AP1B1: variants seen among roughly 807,000 people sequenced by gnomAD.
AP1B1 encodes the protein AP-1 complex subunit beta-1.
AP1B1 carries 36 observed loss-of-function variants against 104.3 expected under a neutral mutation model. That is an observed-to-expected ratio of 0.35 (90% CI 0.26 to 0.46). The LOEUF is 0.46. Among genes scored for constraint, AP1B1 ranks in the 20% least tolerant of loss-of-function variants. The pLI is 1.00. For synonymous variants in AP1B1, 504 were observed against 517.5 expected, an observed-to-expected ratio of 0.97 and a Z score of 0.35; for missense variants, 901 against 1,247.9, an observed-to-expected ratio of 0.72 and a Z score of 4.19.
intron 1 of AP1B1, among the ~76,000 whole-genome samples, chr22:29,376,998 C>T (rs2062353656): frequency 2.0e-5 from 3 of 151,964 alleles, no homozygotes; most frequent in African/African-American, 4.8e-5. Context: ...GAGATTGGGA[C>T]CAGCCTGGCC....
intron 14 of AP1B1, 121 bp downstream of exon 14, chr22:29,340,535 T>C: frequency 1.9e-5 from 20 of 1,060,842 alleles, no homozygotes; most frequent in Non-Finnish European, 2.6e-5. Flanking sequence ...CAAGGGTAAA[T>C]GGTAAGGACT....
At position 29,341,569 on chromosome 22, in the gene AP1B1, C is replaced by T. The variant is rs2061715450; in HGVS notation, c.1728G>A (p.Lys576=). The change falls in exon 13 of 23, where the codon AAG becomes AAA. Residue 576 remains lysine, a synonymous_variant. Coordinates refer to ENST00000357586, the MANE Select transcript of AP1B1 (RefSeq NM_001127.4). The part of the protein sequence containing the change: ...YIGTLASVYH[K]PPSAFVEGGR... ...CCCCCTCCACAAAGGCACTGGGAGG[C>T]TTATGGTAGACGGAAGCCAGCGTGC... 4 of 1,614,090 alleles carry T rather than the reference C, an allele frequency of 2.5e-6. No individual in the cohort carries two copies. In the African/African-American group the frequency reaches 5.3e-5, roughly 22 times the overall value.
intron 12 of AP1B1, 75 bp downstream of exon 12, chr22:29,342,210 C>A: frequency 7.9e-7 from 1 of 1,268,532 alleles, no homozygotes; most frequent in South Asian, 1.3e-5. Context: ...GCTTCCAGGT[C>A]TAGTTCCTGG....
intron 21 of AP1B1, 180 bp downstream of exon 21, chr22:29,330,198 G>A (rs2147927756): frequency 6.9e-7 from 1 of 1,458,564 alleles, no homozygotes; most frequent in East Asian, 2.5e-5. Flanking sequence ...TGTCTTATCT[G>A]GGTAACCTGA....
chr22:29,364,302 T>C (rs568646234), intron 2 of AP1B1, among the ~76,000 whole-genome samples: 39 of 152,374 alleles, frequency 2.6e-4, no homozygotes, highest in African/African-American at 8.7e-4. Flanking sequence ...TCTGAAGAAC[T>C]TCATGACATG....
intron 2 of AP1B1, among the ~76,000 whole-genome samples, chr22:29,364,964 C>G (rs555433889): frequency 1.1e-3 from 173 of 152,296 alleles, no homozygotes; most frequent in African/African-American, 3.8e-3. Context: ...CCGCCTCAGC[C>G]TCCCAAAGTG....
Position 29,342,400 on chromosome 22 carries a change from T to C in AP1B1, c.1438-17A>G. The C allele has an allele frequency of 1.9e-6, 3 of 1,606,590 alleles. No individual in the cohort carries two copies. The highest frequency in any genetic ancestry group is 2.6e-6 in the Non-Finnish European group (3 of 1,173,720). On this transcript the variant is annotated splice_polypyrimidine_tract_variant and intron_variant, in intron 11 of 22. Transcript: ENST00000357586. ...CAGCTGGACCTGCAGGGAACAGCGGTGACGAGGAGGAAGTGTGGGCCTCAC... is the reference window on the plus strand; with the variant it reads ...CAGCTGGACCTGCAGGGAACAGCGGCGACGAGGAGGAAGTGTGGGCCTCAC...
chr22:29,385,270 T>C (rs897887377), intron 1 of AP1B1, among the ~76,000 whole-genome samples: 9 of 152,068 alleles, frequency 5.9e-5, no homozygotes, highest in African/African-American at 2.2e-4. Context: ...TCTGTAGTAC[T>C]AGCTACTTGG....
At chr22:29,376,657 G>C (rs1284198375) in intron 1 of AP1B1, among the ~76,000 whole-genome samples, 1 of 65,276 alleles carries the variant, frequency 1.5e-5, no homozygotes, top group East Asian at 1.8e-3. Flanking sequence ...AGGGAAGAGT[G>C]GAAAAAAAGG....
At position 29,330,637 on chromosome 22, in the gene AP1B1, C is replaced by T. The variant is rs1180124097; in HGVS notation, c.2597G>A (p.Cys866Tyr). 2 of 1,613,850 alleles carry T rather than the reference C, an allele frequency of 1.2e-6. No individual in the cohort carries two copies. Among genetic ancestry groups the T allele is most frequent in the Non-Finnish European group, 8.5e-7 (1 of 1,179,974 alleles). ...ENEAQFQIRD[C>Y]PLNAEAASSK... Reference sequence around the variant, plus strand: ...GGAGTCCTCACCTGCATTGAGGGGGCAGTCTCTGATCTGGAACTGGGCCTC... The same window carrying T: ...GGAGTCCTCACCTGCATTGAGGGGGTAGTCTCTGATCTGGAACTGGGCCTC... Residue 866 changes from cysteine to tyrosine, a missense_variant, in exon 20 of 23, where the codon TGC (cysteine) becomes TAC (tyrosine). Coordinates refer to ENST00000357586, the MANE Select transcript of AP1B1 (RefSeq NM_001127.4).
intron 18 of AP1B1, 79 bp downstream of exon 18, chr22:29,331,708 C>T: frequency 6.2e-7 from 1 of 1,612,020 alleles, no homozygotes; most frequent in Admixed American, 1.7e-5. Flanking sequence ...ACTCCGCAGA[C>T]ACGACCTTCT....
At position 29,346,246 on chromosome 22, in the gene AP1B1, G is replaced by A. The variant is rs369586067; in HGVS notation, c.1437+2972C>T. 2.1e-4 allele frequency among the ~76,000 whole-genome samples: 32 copies of A among 152,280 alleles called. 1 individual carries two copies. The South Asian group carries it at 6.4e-3, about 31-fold the overall frequency. On this transcript the variant is annotated intron_variant, in intron 11 of 22. Transcript: ENST00000357586. ...CCAGACTCTTGGCTTACCTCTCCCT[G>A]TCCAGCTTCTCTCATTCTAGCTTTT...
At chr22:29,357,629 T>C (rs1309304113) in intron 5 of AP1B1, among the ~76,000 whole-genome samples, 2 of 150,632 alleles carry the variant, frequency 1.3e-5, no homozygotes, top group African/African-American at 2.5e-5. Flanking sequence ...GCCTCCCAAA[T>C]AGCTGGGATT....
chr22:29,349,325 C>T lies in AP1B1; in HGVS notation c.1330G>A (p.Ala444Thr), dbSNP rs1405007031. 1 of 1,613,990 alleles carries T rather than the reference C, an allele frequency of 6.2e-7. No homozygotes were observed. The highest frequency in any genetic ancestry group is 1.3e-5 in the African/African-American group (1 of 74,936). The change falls in exon 11 of 23, where the codon GCC (alanine) becomes ACC (threonine). Residue 444 changes from alanine (A) to threonine (T), a missense_variant. By Grantham distance (58) the Ala-to-Thr change is moderately conservative. Transcript: ENST00000357586. The stretch of plus-strand genomic sequence containing the variant: ...ACAATCCAGATCATGGCAGCCCGGG[C>T]CTCAGGCTCATCCAGGGAGTCCAGA... ...ENLDSLDEPE[A>T]RAAMIWIVGE... is the part of the protein sequence containing the mutation.
intron 8 of AP1B1, 125 bp downstream of exon 8, chr22:29,351,580 C>T (rs1422020723): frequency 3.0e-6 from 4 of 1,325,714 alleles, no homozygotes; most frequent in Non-Finnish European, 4.1e-6. Context: ...ATGTCCCATG[C>T]TAAACACTCT....
At chr22:29,329,230 G>A (rs1480051617) in intron 22 of AP1B1, 1 of 1,208,068 alleles carries the variant, frequency 8.3e-7, no homozygotes, top group Non-Finnish European at 1.0e-6. Flanking sequence ...GTCCCTGAAG[G>A]TCTGGGGTCC....
intron 16 of AP1B1, among the ~76,000 whole-genome samples, chr22:29,337,110 C>T (rs955415923): frequency 3.3e-5 from 5 of 152,186 alleles, no homozygotes; most frequent in Middle Eastern, 3.2e-3. Context: ...TGACACCCCA[C>T]GCATGAAGGC....
At chr22:29,329,867 C>G in intron 21 of AP1B1, 147 bp from the exon 22 acceptor site, 1 of 1,488,166 alleles carries the variant, frequency 6.7e-7, no homozygotes, top group East Asian at 2.4e-5. Flanking sequence ...GAGGGCCATG[C>G]CTGCCAGAGA....
At chr22:29,385,029 T>G (rs1366489229) in intron 1 of AP1B1, among the ~76,000 whole-genome samples, 1 of 152,006 alleles carries the variant, frequency 6.6e-6, no homozygotes, top group Admixed American at 6.5e-5. Context: ...CAGGTAAGGT[T>G]GGGAGAGCAG....
Sources: allele counts gnomAD v4.1 joint callset (sites outside exome capture counted in the v4.1 genomes callset), GRCh38; gene constraint gnomAD v4.1.1; transcripts MANE v1.5; gene names NCBI Gene and HGNC (gene_info 2026-07-23, HGNC 2026-07-21).